Variants in PTPRT observed in about 807,000 individuals in gnomAD.
PTPRT encodes receptor-type tyrosine-protein phosphatase T.
In PTPRT, 56 loss-of-function variants were observed where a neutral mutation model predicts 176.8. The ratio of observed to expected loss-of-function variants is 0.32; its 90% confidence interval spans 0.26 to 0.40. The LOEUF (loss-of-function observed/expected upper bound fraction) is 0.40. PTPRT is among the 10% of genes least tolerant of loss of function. The pLI, the probability that PTPRT is intolerant of heterozygous loss-of-function variation, is 1.00. For synonymous variants in PTPRT, 783 were observed against 739.0 expected (o/e 1.06, Z -0.96); for missense variants, 1,540 against 1,908.2 (o/e 0.81, Z 3.60).
chr20:42,034,689 G>A, the PTPRT span, among the ~76,000 whole-genome samples: 4 of 152,180 alleles, frequency 2.6e-5, no homozygotes, highest in Admixed American at 1.3e-4. Context: ...TTATGTGTGT[G>A]GTGTGTGTGT....
chr20:42,424,866 G>A (rs1255752047), intron 9 of PTPRT, among the ~76,000 whole-genome samples: 2 of 150,378 alleles, frequency 1.3e-5, no homozygotes, highest in Admixed American at 1.3e-4. Flanking sequence ...GTTCCAGTAA[G>A]AATCCTGTTA....
Position 42,308,132 on chromosome 20 carries a change from C to CT in PTPRT, c.2139+7590dup, listed in dbSNP as rs34514675. Among the ~76,000 whole-genome samples the CT allele has an allele frequency of 6.4e-3, 962 of 151,016 alleles. 4 individuals carry two copies. The highest frequency in any genetic ancestry group is 0.012 in the African/African-American group (498 of 41,210). On this transcript the variant is annotated intron_variant, in intron 12 of 30. Coordinates refer to ENST00000373187, the MANE Select transcript of PTPRT (RefSeq NM_007050.6). ...CAGAAAACTCATGAATAATCCACCC[C>CT]TTTTTTTTTAGCATATCATTAAGAA...
chr20:42,604,103 G>A (rs76848227), intron 7 of PTPRT, among the ~76,000 whole-genome samples: 3,888 of 152,250 alleles, frequency 0.026, 87 homozygotes, highest in Non-Finnish European at 0.039. Flanking sequence ...TGGCACATGC[G>A]GAGCCCATGT....
chr20:42,171,501 G>A (rs1484661519), intron 16 of PTPRT, among the ~76,000 whole-genome samples: 1 of 152,048 alleles, frequency 6.6e-6, no homozygotes, highest in African/African-American at 2.4e-5. Flanking sequence ...TTTCATAATG[G>A]ATATTCAATG....
At chr20:43,143,248 T>C (rs1422687894) in intron 1 of PTPRT, among the ~76,000 whole-genome samples, 1 of 152,182 alleles carries the variant, frequency 6.6e-6, no homozygotes, top group East Asian at 1.9e-4. Context: ...GTGGTGCCCA[T>C]TTCTGCTATC....
At chr20:42,329,664 C>T (rs905717702) in intron 11 of PTPRT, among the ~76,000 whole-genome samples, 7 of 152,106 alleles carry the variant, frequency 4.6e-5, no homozygotes, top group Middle Eastern at 6.8e-3. Context: ...TGATATGTGG[C>T]AAAAGAAGGA....
chr20:42,661,149 G>A (rs143500917), intron 7 of PTPRT, among the ~76,000 whole-genome samples: 242 of 152,196 alleles, frequency 1.6e-3, no homozygotes, highest in African/African-American at 5.7e-3. Context: ...GCACCCAGCC[G>A]TAAACAGTGT....
At chr20:42,196,141 G>C (rs182715689) in intron 16 of PTPRT, among the ~76,000 whole-genome samples, 177 of 152,212 alleles carry the variant, frequency 1.2e-3, no homozygotes, top group African/African-American at 4.1e-3. Flanking sequence ...GTCCTCCCAG[G>C]GTACTTTTAC....
intron 15 of PTPRT, among the ~76,000 whole-genome samples, chr20:42,220,792 C>G (rs368756590): frequency 1.3e-5 from 2 of 152,076 alleles, no homozygotes; most frequent in South Asian, 4.1e-4. Context: ...CAAAAATTTA[C>G]TCAATGAAGT....
At chr20:42,579,168 T>C (rs1365773524) in intron 7 of PTPRT, among the ~76,000 whole-genome samples, 1 of 151,382 alleles carries the variant, frequency 6.6e-6, no homozygotes, top group Non-Finnish European at 1.5e-5. Context: ...GTTTGGTTTT[T>C]TGTCCTTGTG....
chr20:42,916,379 G>A (rs1208355281), intron 1 of PTPRT, among the ~76,000 whole-genome samples: 1 of 152,060 alleles, frequency 6.6e-6, no homozygotes, highest in Non-Finnish European at 1.5e-5. Flanking sequence ...GGACATTTAG[G>A]TTGGTTCCAA....
At position 42,725,009 on chromosome 20, in the gene PTPRT, TTGTGTGTG is replaced by T. The variant is rs147376328; in HGVS notation, c.859+31445_859+31452del. The stretch of plus-strand genomic sequence containing the variant: ...CTTGACAGCAGGATGTGGACATCTT[TTGTGTGTG>T]TGTGTGTGTGTGTGTGTGTGTGTGT... On this transcript the variant is annotated intron_variant, in intron 6 of 30. Transcript: ENST00000373187. Among the ~76,000 whole-genome samples, 672 of 134,042 alleles carry T rather than the reference TTGTGTGTG, an allele frequency of 5.0e-3. 8 individuals carry two copies. Among genetic ancestry groups the T allele is most frequent in the African/African-American group, 0.017 (634 of 38,054 alleles). The allele number at this position is 134,042 out of a possible 152,430, so 87.9% of individuals were successfully genotyped here. A position where few individuals can be genotyped will look rare whatever the true frequency, so the allele number is the denominator to read the frequency against.
chr20:42,800,509 T>A (rs1288138799), intron 2 of PTPRT, among the ~76,000 whole-genome samples: 1 of 152,176 alleles, frequency 6.6e-6, no homozygotes, highest in Non-Finnish European at 1.5e-5. Flanking sequence ...TTGGGCTGAG[T>A]CCCTTGCTTC....
intron 11 of PTPRT, among the ~76,000 whole-genome samples, chr20:42,342,112 G>A (rs2145479932): frequency 6.6e-6 from 1 of 152,270 alleles, no homozygotes; most frequent in Non-Finnish European, 1.5e-5. Context: ...TCATCTAATT[G>A]CAGCTCTGTG....
chr20:42,688,409 C>T (rs1357844082), intron 6 of PTPRT: 1 of 152,214 alleles, frequency 6.6e-6, no homozygotes, highest in Non-Finnish European at 1.5e-5. Flanking sequence ...CTTCTAGGTA[C>T]CATAACCCCT....
intron 11 of PTPRT, among the ~76,000 whole-genome samples, chr20:42,325,779 G>C (rs1439034404): frequency 6.6e-6 from 1 of 152,052 alleles, no homozygotes; most frequent in Non-Finnish European, 1.5e-5. Context: ...ACCTTACTTA[G>C]AGTAAAATGC....
In PTPRT at chr20:42,394,342, A is replaced by G. The variant is rs559321532; in HGVS notation, c.1561-42057T>C. 1.2e-4 allele frequency among the ~76,000 whole-genome samples: 18 copies of G among 152,292 alleles called. No homozygotes were observed. The South Asian group carries it at 1.2e-3, about 11-fold the overall frequency. ...TTCTTCACCAGTGATCGGTTAACCT[A>G]TGGGCATGGGACCTCATTCTTGCCA... On this transcript the variant is annotated intron_variant, in intron 9 of 30. Transcript: ENST00000373187.
At chr20:42,784,980 A>G (rs1407026537) in intron 3 of PTPRT, among the ~76,000 whole-genome samples, 1 of 152,226 alleles carries the variant, frequency 6.6e-6, no homozygotes, top group Non-Finnish European at 1.5e-5. Flanking sequence ...TGTGCATTTC[A>G]AAATTGCTGA....
At chr20:42,986,984 C>G (rs1983619977) in intron 1 of PTPRT, among the ~76,000 whole-genome samples, 1 of 152,180 alleles carries the variant, frequency 6.6e-6, no homozygotes, top group Admixed American at 6.5e-5. Context: ...TAGAAACAAA[C>G]ACACACTGAC....
Sources: gnomAD v4.1 joint callset for allele counts (sites outside exome capture counted in the v4.1 genomes callset) on GRCh38, gnomAD v4.1.1 for gene constraint, MANE v1.5 for transcripts, NCBI Gene and HGNC (gene_info 2026-07-23, HGNC 2026-07-21) for gene names.